Variants in PCDH15 observed in about 807,000 individuals in gnomAD.
PCDH15 encodes protocadherin-15.
Under a neutral mutation model 178.5 loss-of-function variants are expected in PCDH15, and 129 were observed. The observed-to-expected ratio is 0.72, with a 90% CI of 0.63 to 0.84. The LOEUF (loss-of-function observed/expected upper bound fraction) is 0.84, where lower values mean the gene tolerates loss of function less well. PCDH15 is among the 40% of genes least tolerant of loss of function. The probability of loss-of-function intolerance (pLI) is 0.00; values close to 1 mark genes in which losing one functional copy is unlikely to be tolerated. For synonymous variants in PCDH15, 800 were observed against 732.0 expected, an observed-to-expected ratio of 1.09 and a Z score of -1.50; for missense variants, 2,230 against 2,099.9, an observed-to-expected ratio of 1.06 and a Z score of -1.21.
chr10:54,006,502 C>T (rs144219929), intron 20 of PCDH15, among the ~76,000 whole-genome samples: 2 of 152,280 alleles, frequency 1.3e-5, no homozygotes, highest in East Asian at 1.9e-4. Context: ...GATGAAATGT[C>T]CAGAATTTCT....
chr10:54,792,719 C>G (rs889871762), intron 1 of PCDH15, among the ~76,000 whole-genome samples: 2 of 151,790 alleles, frequency 1.3e-5, no homozygotes, highest in Non-Finnish European at 2.9e-5. Flanking sequence ...TTCTCATTCT[C>G]TGTGATTACT....
chr10:54,367,656 G>C (rs956892123), intron 5 of PCDH15, among the ~76,000 whole-genome samples: 2 of 151,836 alleles, frequency 1.3e-5, no homozygotes, highest in Admixed American at 6.6e-5. Flanking sequence ...GGGCCTGTTG[G>C]GGGAGTGAGG....
At position 54,732,049 on chromosome 10, in the gene PCDH15, C is replaced by T. The variant is rs551362270; in HGVS notation, c.-28-67759G>A. 2.0e-4 allele frequency among the ~76,000 whole-genome samples: 30 copies of T among 149,800 alleles called. No homozygotes were observed. In the East Asian group the frequency reaches 4.7e-3, roughly 24 times the overall value. The stretch of plus-strand genomic sequence containing the variant: ...ACATATATGACATTATCACATGTAA[C>T]CTGAAAATATGTACATCTATTATGA... On this transcript the variant is annotated intron_variant, in intron 1 of 37. Transcript: ENST00000644397.
At chr10:54,851,072 T>C (rs1953613078) in intron 3 of PCDH15, among the ~76,000 whole-genome samples, 1 of 152,156 alleles carries the variant, frequency 6.6e-6, no homozygotes, top group Non-Finnish European at 1.5e-5. Flanking sequence ...GATCTTTTGA[T>C]TTTTCAGAGC....
At chr10:55,426,437 G>A (rs1466864734) in intron 2 of PCDH15, among the ~76,000 whole-genome samples, 1 of 152,130 alleles carries the variant, frequency 6.6e-6, no homozygotes, top group Non-Finnish European at 1.5e-5. Context: ...GCAGGTACAG[G>A]AGCAGGCAGA....
intron 3 of PCDH15, among the ~76,000 whole-genome samples, chr10:54,469,075 G>C (rs889205213): frequency 2.0e-5 from 3 of 152,044 alleles, no homozygotes; most frequent in Non-Finnish European, 2.9e-5. Context: ...ATATGGTTGA[G>C]ACTTTGTAAT....
At chr10:54,021,907 C>A (rs924547615) in intron 19 of PCDH15, among the ~76,000 whole-genome samples, 7 of 151,986 alleles carry the variant, frequency 4.6e-5, no homozygotes, top group East Asian at 1.9e-4. Context: ...ATACTGAAGA[C>A]ATGTTTGTTA....
intron 2 of PCDH15, among the ~76,000 whole-genome samples, chr10:55,535,875 T>A (rs912261251): frequency 6.6e-6 from 1 of 152,068 alleles, no homozygotes; most frequent in Non-Finnish European, 1.5e-5. Flanking sequence ...AAAAAGGTGA[T>A]ATTAAAATTC....
chr10:55,519,227 G>A (rs750068929), intron 2 of PCDH15, among the ~76,000 whole-genome samples: 1 of 140,094 alleles, frequency 7.1e-6, no homozygotes, highest in Non-Finnish European at 1.5e-5. Flanking sequence ...CACCCTTCAT[G>A]TTTCTCTCCT....
At chr10:54,453,601 A>T (rs1025613463) in intron 3 of PCDH15, among the ~76,000 whole-genome samples, 5 of 152,004 alleles carry the variant, frequency 3.3e-5, no homozygotes, top group Admixed American at 6.6e-5. Context: ...ACATGTATAC[A>T]TATGTAACAA....
At chr10:55,488,722 T>C (rs1415451060) in intron 2 of PCDH15, among the ~76,000 whole-genome samples, 1 of 151,524 alleles carries the variant, frequency 6.6e-6, no homozygotes, top group Non-Finnish European at 1.5e-5. Context: ...GAACAACAGT[T>C]ATTGAATCAT....
At chr10:54,525,346 C>T (rs1589890275) in intron 3 of PCDH15, among the ~76,000 whole-genome samples, 1 of 152,160 alleles carries the variant, frequency 6.6e-6, no homozygotes, top group Non-Finnish European at 1.5e-5. Context: ...AATGAGTGCT[C>T]ATCATTCTGG....
chr10:55,432,861 T>C (rs1838921220), intron 2 of PCDH15, among the ~76,000 whole-genome samples: 2 of 151,746 alleles, frequency 1.3e-5, no homozygotes, highest in Non-Finnish European at 2.9e-5. Context: ...CCTGACCTCG[T>C]GATCCGCCCG....
chr10:54,058,072 T>A (rs990885156), intron 18 of PCDH15, among the ~76,000 whole-genome samples: 1 of 152,174 alleles, frequency 6.6e-6, no homozygotes, highest in African/African-American at 2.4e-5. Context: ...AAACATTCCC[T>A]CATCTTCCTG....
chr10:55,610,311 T>G (rs1362741890), intron 2 of PCDH15, among the ~76,000 whole-genome samples: 1 of 152,126 alleles, frequency 6.6e-6, no homozygotes, highest in South Asian at 2.1e-4. Flanking sequence ...AACTTCTTAA[T>G]TGGAACTAAT....
intron 2 of PCDH15, among the ~76,000 whole-genome samples, chr10:55,533,067 T>TA (rs35937140): frequency 0.75 from 113,351 of 151,832 alleles, 43,224 homozygotes; most frequent in East Asian, 0.99. Flanking sequence ...TTTCAAAAAG[T>TA]AAAACGTCCC....
rs969286647 is a variant in PCDH15 at position 53,993,474 on chromosome 10, ATACT to A, written c.2868+2171_2868+2174del. Among the ~76,000 whole-genome samples the A allele has an allele frequency of 3.9e-5, 6 of 152,300 alleles. No homozygotes were observed. In the East Asian group the frequency reaches 7.7e-4, roughly 20 times the overall value. ...AAATAAACCTACAGTGTTAAGATAG[ATACT>A]TACAGCCCCAGGTAGTGGTATAGGA... On this transcript the variant is annotated intron_variant, in intron 21 of 37. Transcript: ENST00000644397.
chr10:55,198,260 TG>T (rs1473699136), intron 1 of PCDH15, among the ~76,000 whole-genome samples: 9 of 152,118 alleles, frequency 5.9e-5, no homozygotes, highest in African/African-American at 2.2e-4. Flanking sequence ...CAGCTTGATA[TG>T]GTTTGGCTCT....
At chr10:53,987,711 G>A (rs2255126) in intron 21 of PCDH15, among the ~76,000 whole-genome samples, 6,735 of 152,142 alleles carry the variant, frequency 0.044, 379 homozygotes, top group African/African-American at 0.14. Context: ...CATGAAGGCC[G>A]CCCATGGGTT....
Sources: allele counts gnomAD v4.1 joint callset (sites outside exome capture counted in the v4.1 genomes callset), GRCh38; gene constraint gnomAD v4.1.1; transcripts MANE v1.5; gene names NCBI Gene and HGNC (gene_info 2026-07-23, HGNC 2026-07-21).